DNAJC13: variants seen among roughly 807,000 people sequenced by gnomAD.
The protein encoded by DNAJC13 is dnaJ homolog subfamily C member 13.
A neutral mutation model predicts 290.5 loss-of-function variants in DNAJC13; 75 were observed. The observed-to-expected ratio is 0.26, with a 90% CI of 0.21 to 0.31. The LOEUF (loss-of-function observed/expected upper bound fraction) is 0.31. Among genes scored for constraint, DNAJC13 ranks in the 10% least tolerant of loss-of-function variants. The probability of loss-of-function intolerance (pLI) is 1.00; values close to 1 mark genes in which losing one functional copy is unlikely to be tolerated. For missense variants in DNAJC13, 2,260 were observed against 2,674.5 expected, an observed-to-expected ratio of 0.85 and a Z score of 3.42; for synonymous variants, 862 against 892.0, an observed-to-expected ratio of 0.97 and a Z score of 0.60.
Position 132,483,593 on chromosome 3 carries a change from A to G in DNAJC13, c.3182+16A>G. 1.2e-6 allele frequency: 2 copies of G among 1,609,840 alleles called. No homozygotes were observed. Among genetic ancestry groups the G allele is most frequent in the African/African-American group, 1.3e-5 (1 of 74,952 alleles). ...TTCCAAGCAGGTAAAATGTAATTGA[A>G]TGTTTCCATGGTTAATTGATATGCT... is the stretch of plus-strand genomic sequence containing the variant. On this transcript the variant is annotated intron_variant, in intron 28 of 55. Coordinates refer to ENST00000260818, the MANE Select transcript of DNAJC13 (RefSeq NM_015268.4).
intron 1 of DNAJC13, among the ~76,000 whole-genome samples, chr3:132,432,664 T>A (rs146093762): frequency 6.6e-6 from 1 of 152,370 alleles, no homozygotes; most frequent in East Asian, 1.9e-4. Context: ...GTTCCAACAA[T>A]TTATCCTGTA....
Position 132,516,824 on chromosome 3 carries a change from CA to C in DNAJC13, c.5673+12del. On this transcript the variant is annotated intron_variant, in intron 48 of 55. Coordinates refer to ENST00000260818, the MANE Select transcript of DNAJC13 (RefSeq NM_015268.4). The stretch of plus-strand genomic sequence containing the variant: ...AAACTGATAGGTCCAAAGGTAGGCA[CA>C]AAATAAGTTCTTGAAAGGAAATTAA... 4 of 1,593,004 alleles carry C rather than the reference CA, an allele frequency of 2.5e-6. No homozygotes were observed. The South Asian group carries it at 4.5e-5, about 18-fold the overall frequency.
chr3:132,491,881 A>G (rs1935067753), intron 32 of DNAJC13, among the ~76,000 whole-genome samples: 1 of 152,116 alleles, frequency 6.6e-6, no homozygotes, highest in Admixed American at 6.6e-5. Context: ...CATATTTTTC[A>G]TTGGGAAAAA....
chr3:132,501,395 G>A (rs931416797), intron 39 of DNAJC13, among the ~76,000 whole-genome samples: 1 of 152,100 alleles, frequency 6.6e-6, no homozygotes, highest in East Asian at 1.9e-4. Flanking sequence ...AGGTATTCGG[G>A]AGGCTGAGTA....
chr3:132,458,903 A>G (rs1576471826), intron 13 of DNAJC13, among the ~76,000 whole-genome samples: 3 of 152,150 alleles, frequency 2.0e-5, no homozygotes, highest in East Asian at 3.8e-4. Flanking sequence ...AATTATTGCT[A>G]TTTCTAAACA....
In DNAJC13 at chr3:132,447,906, A is replaced by G. The variant is rs1933303026; in HGVS notation, c.303A>G (p.Arg101=). 5 of 1,598,562 alleles carry G rather than the reference A, an allele frequency of 3.1e-6. No homozygotes were observed. Among genetic ancestry groups the G allele is most frequent in the Non-Finnish European group, 4.3e-6 (5 of 1,168,522 alleles). ...TELLTEALRF[R]TDFSEGKITG... ...TATGTTTTCTCTTTCAGAGATTTAGAACTGATTTTTCAGAGGGAAAAATCA... is the reference window on the plus strand; with the variant it reads ...TATGTTTTCTCTTTCAGAGATTTAGGACTGATTTTTCAGAGGGAAAAATCA... Residue 101 remains arginine (R), a synonymous_variant, in exon 5 of 56, where the codon AGA becomes AGG. Transcript: ENST00000260818.
chr3:132,519,989 T>C (rs1382803162), intron 48 of DNAJC13, among the ~76,000 whole-genome samples: 1 of 152,120 alleles, frequency 6.6e-6, no homozygotes, highest in African/African-American at 2.4e-5. Flanking sequence ...ATCTCCCTTT[T>C]TAAAACCATC....
Position 132,425,004 on chromosome 3 carries a change from A to G in DNAJC13, c.-14+7244A>G, listed in dbSNP as rs143472494. 1.9e-3 allele frequency among the ~76,000 whole-genome samples: 290 copies of G among 152,250 alleles called. 3 individuals are homozygous for G. The highest frequency in any genetic ancestry group is 6.5e-3 in the African/African-American group (271 of 41,584). ...CTATCTAAACAGTTTAGTTGTAGCT[A>G]TTTAATCTGGGTAAAAATGAACATT... On this transcript the variant is annotated intron_variant, in intron 1 of 55. Transcript: ENST00000260818.
chr3:132,478,249 T>A, intron 24 of DNAJC13, 109 bp downstream of exon 24: 1 of 916,780 alleles, frequency 1.1e-6, no homozygotes, highest in Non-Finnish European at 1.6e-6. Flanking sequence ...ACTGTAACTT[T>A]CTGCATTCAT....
intron 53 of DNAJC13, among the ~76,000 whole-genome samples, chr3:132,527,414 G>A (rs1936294010): frequency 6.6e-6 from 1 of 152,142 alleles, no homozygotes; most frequent in Non-Finnish European, 1.5e-5. Flanking sequence ...CCTCATTGAG[G>A]CAAGTAGAGC....
chr3:132,516,932 T>C, intron 48 of DNAJC13, 116 bp downstream of exon 48: 1 of 900,086 alleles, frequency 1.1e-6, no homozygotes, highest in Non-Finnish European at 1.7e-6. Flanking sequence ...AATGAGGTGA[T>C]GTGAAAGTTG....
intron 1 of DNAJC13, among the ~76,000 whole-genome samples, chr3:132,423,435 T>C (rs1488897365): frequency 1.3e-5 from 2 of 152,252 alleles, no homozygotes; most frequent in Admixed American, 6.5e-5. Context: ...CTCACTTTTA[T>C]TGTATTCCTT....
intron 34 of DNAJC13, 119 bp from the exon 35 acceptor site, chr3:132,494,969 A>G (rs1460650520): frequency 1.7e-6 from 1 of 574,766 alleles, no homozygotes; most frequent in Non-Finnish European, 2.9e-6. Context: ...TTTGAAGCCT[A>G]ATATATAATC....
At chr3:132,533,328 G>A (rs77234255) in intron 55 of DNAJC13, among the ~76,000 whole-genome samples, 30,656 of 133,878 alleles carry the variant, frequency 0.23, 3,336 homozygotes, top group South Asian at 0.33. Flanking sequence ...CAGCATGCCC[G>A]CCCTCTTTTT....
intron 29 of DNAJC13, 151 bp downstream of exon 29, chr3:132,484,823 C>T (rs1172335986): frequency 5.8e-6 from 4 of 695,166 alleles, no homozygotes; most frequent in African/African-American, 5.4e-5. Context: ...AATCCCAGCA[C>T]TTTGGGAGGC....
chr3:132,480,319 T>G, intron 25 of DNAJC13, 50 bp from the exon 26 acceptor site: 1 of 1,293,070 alleles, frequency 7.7e-7, no homozygotes, highest in Non-Finnish European at 1.1e-6. Context: ...GGATAGGTTT[T>G]AGGTTATGAA....
At chr3:132,454,557 C>T (rs888674883) in intron 9 of DNAJC13, among the ~76,000 whole-genome samples, 4 of 151,574 alleles carry the variant, frequency 2.6e-5, no homozygotes, top group African/African-American at 7.3e-5. Context: ...CCAGGCTGGT[C>T]TCGAACTCCT....
intron 12 of DNAJC13, 57 bp downstream of exon 12, chr3:132,456,889 C>G: frequency 1.9e-6 from 3 of 1,562,074 alleles, no homozygotes; most frequent in Admixed American, 1.8e-5. Flanking sequence ...CTCAAAATGG[C>G]AAATAATGAA....
chr3:132,460,299 C>T lies in DNAJC13; in HGVS notation c.1499C>T (p.Ser500Phe). The T allele has an allele frequency of 6.2e-7, 1 of 1,612,486 alleles. No individual in the cohort carries two copies. Among genetic ancestry groups the T allele is most frequent in the Non-Finnish European group, 8.5e-7 (1 of 1,179,110 alleles). The part of the protein sequence containing the change: ...DLRQEQLNKA[S>F]LLSSKKFLEN... ...AGACAAGAACAGTTGAACAAAGCTT[C>T]TCTTCTCTCGTCAAAGAAGTTTCTG... The change falls in exon 14 of 56, where the codon TCT becomes TTT. Residue 500 changes from serine (S) to phenylalanine (F), a missense_variant. Physicochemically the swap from Ser to Phe is radical, Grantham distance 155 (BLOSUM62 -2). This residue lies in a region of DNAJC13 where 762 missense variants were observed against 964.1 expected (regional missense o/e 0.79). Coordinates refer to ENST00000260818, the MANE Select transcript of DNAJC13 (RefSeq NM_015268.4).
Sources: allele counts gnomAD v4.1 joint callset (sites outside exome capture counted in the v4.1 genomes callset), GRCh38; gene constraint gnomAD v4.1.1; regional missense constraint gnomAD v4.1.1; transcripts MANE v1.5; gene names NCBI Gene and HGNC (gene_info 2026-07-23, HGNC 2026-07-21).